CAST: variants seen among roughly 807,000 people sequenced by gnomAD.
CAST encodes the protein calpastatin.
A neutral mutation model predicts 119.6 loss-of-function variants in CAST; 76 were observed. The observed-to-expected ratio is 0.64, with a 90% CI of 0.53 to 0.77. The LOEUF is 0.77. CAST is among the 30% of genes least tolerant of loss of function. The pLI is 0.00. For missense variants in CAST, 953 were observed against 946.5 expected, an observed-to-expected ratio of 1.01 and a Z score of -0.09; for synonymous variants, 319 against 331.6, an observed-to-expected ratio of 0.96 and a Z score of 0.41.
intron 3 of CAST, among the ~76,000 whole-genome samples, chr5:96,710,510 C>T (rs1467476273): frequency 6.6e-6 from 1 of 152,034 alleles, no homozygotes; most frequent in Non-Finnish European, 1.5e-5. Flanking sequence ...CCTTCCTCTC[C>T]CACTGTTCTA....
the CAST span, among the ~76,000 whole-genome samples, chr5:96,314,357 C>A: frequency 6.6e-6 from 1 of 152,064 alleles, no homozygotes; most frequent in Non-Finnish European, 1.5e-5. Flanking sequence ...ATTTGTTGGG[C>A]CTTGTGATCA....
chr5:96,668,570 T>C (rs73774361), intron 1 of CAST, among the ~76,000 whole-genome samples: 3,541 of 152,280 alleles, frequency 0.023, 142 homozygotes, highest in African/African-American at 0.081. Context: ...ATGAACCAGG[T>C]GCCTCACTAA....
chr5:96,437,099 G>T, the CAST span, among the ~76,000 whole-genome samples: 28 of 152,178 alleles, frequency 1.8e-4, no homozygotes, highest in African/African-American at 7.2e-5. Flanking sequence ...TATCTTGAGG[G>T]ACATCTTTAA....
the CAST span, among the ~76,000 whole-genome samples, chr5:95,972,241 T>G: frequency 2.0e-5 from 3 of 152,200 alleles, no homozygotes; most frequent in Non-Finnish European, 4.4e-5. Flanking sequence ...AGCCAAGTCT[T>G]ATTTCCCTTG....
At chr5:96,064,874 G>T in the CAST span, among the ~76,000 whole-genome samples, 1 of 152,218 alleles carries the variant, frequency 6.6e-6, no homozygotes, top group South Asian at 2.1e-4. Context: ...TCTATGCTAT[G>T]TGCGTTAGTT....
intron 1 of CAST, among the ~76,000 whole-genome samples, chr5:96,551,351 G>A (rs554010863): frequency 3.5e-4 from 53 of 152,174 alleles, no homozygotes; most frequent in East Asian, 9.6e-4. Context: ...AAAATCCTTC[G>A]CAGACAAGCA....
the CAST span, among the ~76,000 whole-genome samples, chr5:96,341,706 A>T: frequency 6.6e-6 from 1 of 152,198 alleles, no homozygotes; most frequent in Non-Finnish European, 1.5e-5. Context: ...AATAAATGAT[A>T]TCCAGGAAGA....
At chr5:96,176,010 C>T in the CAST span, among the ~76,000 whole-genome samples, 115 of 152,224 alleles carry the variant, frequency 7.6e-4, no homozygotes, top group African/African-American at 2.7e-3. Context: ...GCTACCATAG[C>T]GGAAATTACA....
At chr5:96,554,989 G>A (rs1476403239) in intron 1 of CAST, among the ~76,000 whole-genome samples, 1 of 152,236 alleles carries the variant, frequency 6.6e-6, no homozygotes, top group Non-Finnish European at 1.5e-5. Flanking sequence ...GTGGAAGACA[G>A]TGTGGCAATT....
chr5:96,004,176 G>A, the CAST span, among the ~76,000 whole-genome samples: 1 of 152,208 alleles, frequency 6.6e-6, no homozygotes, highest in African/African-American at 2.4e-5. Context: ...CTCTGTCATA[G>A]GATGAAAGAA....
the CAST span, among the ~76,000 whole-genome samples, chr5:96,216,328 G>C: frequency 6.6e-6 from 1 of 152,028 alleles, no homozygotes; most frequent in African/African-American, 2.4e-5. Context: ...ATTGTTCAAG[G>C]GTTAACTATA....
chr5:96,534,424 A>G (rs910996516), intron 1 of CAST, among the ~76,000 whole-genome samples: 11 of 58,056 alleles, frequency 1.9e-4, no homozygotes, highest in Admixed American at 8.7e-4. Flanking sequence ...TAATCCCACC[A>G]CTTTGGGAGG....
chr5:96,473,570 C>T, the CAST span, among the ~76,000 whole-genome samples: 2 of 152,198 alleles, frequency 1.3e-5, no homozygotes, highest in African/African-American at 4.8e-5. Context: ...CAGACATCAC[C>T]TCTGCATTAC....
the CAST span, among the ~76,000 whole-genome samples, chr5:95,971,590 TC>T: frequency 6.6e-6 from 1 of 152,216 alleles, no homozygotes; most frequent in Non-Finnish European, 1.5e-5. Context: ...AAATACATTG[TC>T]CCTTTGTAGT....
the CAST span, among the ~76,000 whole-genome samples, chr5:96,185,881 G>A: frequency 6.6e-6 from 1 of 151,480 alleles, no homozygotes; most frequent in Non-Finnish European, 1.5e-5. Context: ...TTGTAGTTCT[G>A]TGAAGAATGC....
chr5:96,103,403 T>C, the CAST span, among the ~76,000 whole-genome samples: 1 of 140,338 alleles, frequency 7.1e-6, no homozygotes, highest in East Asian at 2.2e-4. Flanking sequence ...CCTGTGTCCA[T>C]GTGTTCTCAT....
chr5:96,468,592 T>C, the CAST span, among the ~76,000 whole-genome samples: 1 of 152,066 alleles, frequency 6.6e-6, no homozygotes, highest in Non-Finnish European at 1.5e-5. Flanking sequence ...CATAAAACAA[T>C]TTTACATCAG....
the CAST span, among the ~76,000 whole-genome samples, chr5:96,336,967 A>G: frequency 1.3e-5 from 2 of 152,216 alleles, no homozygotes; most frequent in Admixed American, 6.5e-5. Context: ...AATATTTAAT[A>G]TGGAAGACCC....
At chr5:96,292,086 G>C in the CAST span, among the ~76,000 whole-genome samples, 1 of 152,022 alleles carries the variant, frequency 6.6e-6, no homozygotes, top group Non-Finnish European at 1.5e-5. Flanking sequence ...GAAGGAAAGA[G>C]GCAAACACTG....
Sources: allele counts gnomAD v4.1 joint callset (sites outside exome capture counted in the v4.1 genomes callset), GRCh38; gene constraint gnomAD v4.1.1; transcripts MANE v1.5; gene names NCBI Gene and HGNC (gene_info 2026-07-23, HGNC 2026-07-21).